Variants in CD36 observed in about 807,000 individuals in gnomAD.
CD36 encodes the protein platelet glycoprotein 4.
In CD36, 119 loss-of-function variants were observed where a neutral mutation model predicts 55.2. That is an observed-to-expected ratio of 2.15 (90% CI 1.86 to 2.51). CD36 has a LOEUF of 2.51. Ranked by LOEUF, CD36 falls within the 30% of genes most tolerant of loss-of-function variation. The pLI is 0.00. For missense variants in CD36, 819 were observed against 555.5 expected (o/e 1.47, Z -4.77); for synonymous variants, 186 against 193.6 (o/e 0.96, Z 0.33).
At chr7:80,661,974 C>A (rs1345250313) in intron 5 of CD36, among the ~76,000 whole-genome samples, 2 of 152,158 alleles carry the variant, frequency 1.3e-5, no homozygotes, top group Admixed American at 1.3e-4. Context: ...GCTCACCATT[C>A]ACAACAGGCG....
intron 1 of CD36, among the ~76,000 whole-genome samples, chr7:80,626,613 C>T (rs1031856272): frequency 3.3e-5 from 5 of 152,016 alleles, no homozygotes; most frequent in African/African-American, 9.7e-5. Context: ...TTTTGTTTTA[C>T]ATTACAAACT....
At chr7:80,656,497 C>T (rs1229673614) in intron 3 of CD36, 43 bp from the exon 4 acceptor site, 2 of 1,587,044 alleles carry the variant, frequency 1.3e-6, no homozygotes, top group African/African-American at 1.3e-5. Context: ...AGTGCCTGTA[C>T]TTACTACAAA....
intron 1 of CD36, among the ~76,000 whole-genome samples, chr7:80,606,139 G>A (rs553545462): frequency 1.4e-5 from 1 of 70,012 alleles, no homozygotes; most frequent in Non-Finnish European, 3.5e-5. Context: ...TTCTACTAAG[G>A]ACTATGACTA....
intron 9 of CD36, 100 bp from the exon 10 acceptor site, chr7:80,670,877 G>A (rs890153321): frequency 1.2e-6 from 1 of 847,156 alleles, no homozygotes; most frequent in African/African-American, 1.7e-5. Context: ...ATTTAAAAGA[G>A]TATATGATGT....
At chr7:80,608,281 T>C (rs1170753002) in intron 1 of CD36, among the ~76,000 whole-genome samples, 1 of 152,200 alleles carries the variant, frequency 6.6e-6, no homozygotes, top group Non-Finnish European at 1.5e-5. Context: ...TAAAAATAAT[T>C]ATGCAAAGTG....
rs1357908423 is a variant in CD36, at chr7:80,666,480, A to C, written c.739A>C (p.Asn247His). The change falls in exon 8 of 15, where the codon AAT becomes CAT. Residue 247 changes from asparagine (N) to histidine (H), a missense_variant. Physicochemically the swap from Asn to His is moderately conservative, Grantham distance 68. Coordinates refer to ENST00000447544, the MANE Select transcript of CD36 (RefSeq NM_001001548.3). Reference protein sequence around the residue: ...SYWESHCDMINGTDAASFPPF... With the variant: ...SYWESHCDMIHGTDAASFPPF... ...TTGGGAAAGTCACTGCGACATGATT[A>C]ATGGTACAGGTAAGAATATTTGTTT... The C allele has an allele frequency of 1.9e-6, 3 of 1,607,244 alleles. No homozygotes were observed. Among genetic ancestry groups the C allele is most frequent in the Middle Eastern group, 1.7e-4 (1 of 6,038 alleles).
chr7:80,646,950 G>C (rs1322292363), intron 3 of CD36, 90 bp downstream of exon 3: 29 of 1,398,720 alleles, frequency 2.1e-5, no homozygotes, highest in Non-Finnish European at 2.9e-5. Flanking sequence ...TATATTTCAT[G>C]GTAACTGCTA....
upstream of CD36, among the ~76,000 whole-genome samples, chr7:80,634,961 C>G (rs1000756391): frequency 6.6e-6 from 1 of 151,724 alleles, no homozygotes; most frequent in African/African-American, 2.4e-5. Flanking sequence ...AAAAAATTGT[C>G]AAATGTCCAA....
chr7:80,647,609 G>T (rs894956525), intron 3 of CD36, among the ~76,000 whole-genome samples: 2 of 152,110 alleles, frequency 1.3e-5, no homozygotes, highest in African/African-American at 4.8e-5. Flanking sequence ...TGATTGATAG[G>T]GGGAAGAAGA....
intron 3 of CD36, among the ~76,000 whole-genome samples, chr7:80,655,529 G>A (rs891418142): frequency 5.3e-5 from 8 of 152,106 alleles, no homozygotes; most frequent in Admixed American, 1.3e-4. Context: ...GTGATTTTTA[G>A]TGGATTTCAC....
rs370701210 is a variant in CD36, at chr7:80,671,960, G to C, written c.1045G>C (p.Ala349Pro). The stretch of plus-strand genomic sequence containing the variant: ...CATTTCACTTCCTCATTTTCTGTAT[G>C]CAAGTCCTGATGTTTCAGAACCTAT... ...VYISLPHFLY[A>P]SPDVSEPIDG... The change falls in exon 11 of 15, where the codon GCA (alanine) becomes CCA (proline). Residue 349 changes from alanine (A) to proline (P), a missense_variant. Transcript: ENST00000447544. 6.8e-5 allele frequency: 110 copies of C among 1,610,626 alleles called. No homozygotes were observed. Among genetic ancestry groups the C allele is most frequent in the Non-Finnish European group, 8.7e-5 (103 of 1,177,482 alleles).
chr7:80,647,147 AT>A (rs1231843166), intron 3 of CD36: 14 of 354,426 alleles, frequency 4.0e-5, no homozygotes, highest in South Asian at 2.8e-4. Context: ...GTTTTAAGTT[AT>A]GTCCAAAGAG....
At chr7:80,672,865 A>AT (rs1230436701) in intron 12 of CD36, 22 bp downstream of exon 12, 2 of 1,501,620 alleles carry the variant, frequency 1.3e-6, no homozygotes, top group Admixed American at 1.7e-5. Context: ...GAAAATGGTT[A>AT]TTTTGATATG....
intron 5 of CD36, 40 bp downstream of exon 5, chr7:80,661,250 T>C: frequency 1.3e-6 from 2 of 1,566,030 alleles, no homozygotes; most frequent in Non-Finnish European, 1.8e-6. Context: ...TTTAAAATAC[T>C]CTAGAACTCA....
intron 3 of CD36, among the ~76,000 whole-genome samples, chr7:80,655,929 AAAAAAG>A (rs1562800824): frequency 6.7e-6 from 1 of 150,124 alleles, no homozygotes; most frequent in African/African-American, 2.5e-5. Context: ...TCAAAAAAAA[AAAAAAG>A]AAAAGAAAAA....
At chr7:80,672,163 A>G (rs1450192530) in intron 11 of CD36, 123 bp downstream of exon 11, 3 of 824,024 alleles carry the variant, frequency 3.6e-6, no homozygotes, top group Non-Finnish European at 5.7e-6. Context: ...CACATTCTTG[A>G]AAGTTACTGA....
Position 80,679,177 on chromosome 7 carries a change from C to T in CD36, c.*2794C>T, listed in dbSNP as rs1169336535. 1 of 152,020 alleles carries T rather than the reference C, an allele frequency of 6.6e-6. No homozygotes were observed. The highest frequency in any genetic ancestry group is 1.5e-5 in the Non-Finnish European group (1 of 67,988). 9.4% of individuals were successfully genotyped at this position (152,020 alleles called of 1,614,324 possible). ...ACTGAGTTATGTTTAATATTTGTAT[C>T]AAATACATAAAAGGAATACTGCTTT... On this transcript the variant is annotated 3_prime_UTR_variant, in exon 15 of 15. Transcript: ENST00000447544.
At chr7:80,625,917 G>A (rs1793713843) in intron 1 of CD36, among the ~76,000 whole-genome samples, 1 of 152,084 alleles carries the variant, frequency 6.6e-6, no homozygotes, top group African/African-American at 2.4e-5. Context: ...ACTTAGCACT[G>A]CGAATAATCC....
At chr7:80,616,784 T>C (rs1047356763) in intron 1 of CD36, among the ~76,000 whole-genome samples, 1 of 152,130 alleles carries the variant, frequency 6.6e-6, no homozygotes, top group Non-Finnish European at 1.5e-5. Context: ...TGGTTTTTCT[T>C]ACTGTTACCC....
Sources: allele counts gnomAD v4.1 joint callset (sites outside exome capture counted in the v4.1 genomes callset), GRCh38; gene constraint gnomAD v4.1.1; transcripts MANE v1.5; gene names NCBI Gene and HGNC (gene_info 2026-07-23, HGNC 2026-07-21).